Variants in RYR2 observed in about 807,000 individuals in gnomAD.
RYR2 encodes ryanodine receptor 2, also known as cardiac muscle ryanodine receptor-calcium release channel.
RYR2 carries 227 observed loss-of-function variants against 601.1 expected under a neutral mutation model. That is an observed-to-expected ratio of 0.38 (90% CI 0.34 to 0.42). RYR2 has a LOEUF of 0.42. Ranked by LOEUF, RYR2 falls within the 10% of genes least tolerant of loss-of-function variation. RYR2 has a pLI of 1.00. For synonymous variants in RYR2, 2,223 were observed against 2,175.1 expected (o/e 1.02, Z -0.61); for missense variants, 4,646 against 6,156.5 (o/e 0.75, Z 8.21).
intron 1 of RYR2, among the ~76,000 whole-genome samples, chr1:237,269,566 C>G (rs1689477291): frequency 1.3e-5 from 2 of 152,106 alleles, no homozygotes; most frequent in Non-Finnish European, 2.9e-5. Flanking sequence ...GTTGAGATGT[C>G]AAAACACGTA....
chr1:237,799,912 C>T (rs149364154), intron 97 of RYR2: 1 of 152,218 alleles, frequency 6.6e-6, no homozygotes, highest in East Asian at 1.9e-4. Context: ...AAAACATCTC[C>T]AAAACTCACC....
rs114585170 is a variant in RYR2 at position 237,675,580 on chromosome 1, T to C, written c.8830+734T>C. Among the ~76,000 whole-genome samples, 700 of 152,288 alleles carry C rather than the reference T, an allele frequency of 4.6e-3. 5 individuals carry two copies. Among genetic ancestry groups the C allele is most frequent in the African/African-American group, 0.016 (665 of 41,570 alleles). On this transcript the variant is annotated intron_variant, in intron 60 of 104. Transcript: ENST00000366574. ...GAAAATAGTGTGCTTTTCTGGTGGT[T>C]ATTCATTTATTTTCATTTTCGTTCT...
At chr1:237,449,414 C>A (rs1260219895) in intron 14 of RYR2, among the ~76,000 whole-genome samples, 1 of 152,078 alleles carries the variant, frequency 6.6e-6, no homozygotes, top group African/African-American at 2.4e-5. Context: ...TAGTATACTT[C>A]CCTCCCAGTT....
At chr1:237,361,073 T>G (rs1699746856) in intron 4 of RYR2, among the ~76,000 whole-genome samples, 1 of 152,106 alleles carries the variant, frequency 6.6e-6, no homozygotes, top group Non-Finnish European at 1.5e-5. Flanking sequence ...ACTCCTGGGC[T>G]CAAGCAGATA....
chr1:237,606,727 C>T (rs1677166813), intron 35 of RYR2, among the ~76,000 whole-genome samples: 1 of 151,990 alleles, frequency 6.6e-6, no homozygotes, highest in Admixed American at 6.6e-5. Context: ...AACAAATTTA[C>T]AAGAAAAAAA....
intron 34 of RYR2, among the ~76,000 whole-genome samples, chr1:237,596,242 A>G (rs192054685): frequency 6.6e-6 from 1 of 152,334 alleles, no homozygotes; most frequent in Non-Finnish European, 1.5e-5. Context: ...AGAAATTCAA[A>G]ATAATGATCT....
intron 92 of RYR2, 124 bp from the exon 93 acceptor site, chr1:237,791,305 G>C: frequency 1.6e-6 from 1 of 644,898 alleles, no homozygotes; most frequent in Non-Finnish European, 2.8e-6. Flanking sequence ...ACCAAGAATG[G>C]TGCTTGAAAC....
chr1:237,325,159 C>T (rs938064184), intron 2 of RYR2, among the ~76,000 whole-genome samples: 2 of 152,042 alleles, frequency 1.3e-5, no homozygotes, highest in African/African-American at 4.8e-5. Context: ...TGGCAGAACA[C>T]GTTGATTAAT....
chr1:237,561,310 A>G (rs1671432974), intron 27 of RYR2, among the ~76,000 whole-genome samples: 1 of 152,222 alleles, frequency 6.6e-6, no homozygotes, highest in Non-Finnish European at 1.5e-5. Flanking sequence ...GCCAGGATAT[A>G]ACAGCATGCT....
chr1:237,061,876 A>C (rs894814240), intron 1 of RYR2, among the ~76,000 whole-genome samples: 2 of 151,720 alleles, frequency 1.3e-5, no homozygotes, highest in Admixed American at 1.3e-4. Flanking sequence ...TTACTATTTT[A>C]AGGCTGATAT....
intron 48 of RYR2, among the ~76,000 whole-genome samples, chr1:237,646,408 A>G (rs1486046356): frequency 6.6e-6 from 1 of 151,938 alleles, no homozygotes; most frequent in East Asian, 2.0e-4. Flanking sequence ...GTAGGTTTTT[A>G]TGTCACCATA....
At chr1:237,153,208 A>ACAAAGC (rs1471432021) in intron 1 of RYR2, among the ~76,000 whole-genome samples, 3 of 152,204 alleles carry the variant, frequency 2.0e-5, no homozygotes, top group Non-Finnish European at 2.9e-5. Flanking sequence ...AATGAACAAG[A>ACAAAGC]GACAAAGCGG....
At chr1:237,416,046 A>G (rs1704945383) in intron 10 of RYR2, among the ~76,000 whole-genome samples, 2 of 152,186 alleles carry the variant, frequency 1.3e-5, no homozygotes. Flanking sequence ...AGGGAACGGC[A>G]GGTGAGAATG....
intron 12 of RYR2, among the ~76,000 whole-genome samples, chr1:237,426,957 G>T (rs1053096264): frequency 6.6e-6 from 1 of 152,144 alleles, no homozygotes; most frequent in East Asian, 1.9e-4. Flanking sequence ...AAGAGTGAAA[G>T]GTACGGTAGG....
At chr1:237,438,073 C>A (rs915926061) in intron 12 of RYR2, among the ~76,000 whole-genome samples, 1 of 151,948 alleles carries the variant, frequency 6.6e-6, no homozygotes, top group Non-Finnish European at 1.5e-5. Context: ...TTCATTAACT[C>A]TTTTTTATAC....
At chr1:237,379,354 C>G (rs77110582) in intron 8 of RYR2, among the ~76,000 whole-genome samples, 1 of 152,284 alleles carries the variant, frequency 6.6e-6, no homozygotes, top group African/African-American at 2.4e-5. Context: ...TATTCTACAA[C>G]TAACTACCTG....
At chr1:237,593,792 C>A (rs1389845196) in intron 33 of RYR2, among the ~76,000 whole-genome samples, 156 bp downstream of exon 33, 1 of 151,852 alleles carries the variant, frequency 6.6e-6, no homozygotes, top group African/African-American at 2.4e-5. Flanking sequence ...GTTATTCATA[C>A]AAACCAGTTA....
chr1:237,312,909 TC>T (rs1346038387), intron 2 of RYR2, among the ~76,000 whole-genome samples: 2 of 152,300 alleles, frequency 1.3e-5, no homozygotes, highest in African/African-American at 4.8e-5. Flanking sequence ...TTGTAATCTT[TC>T]TTTTTCGGCC....
chr1:237,499,780 T>G (rs2150470080), intron 20 of RYR2, among the ~76,000 whole-genome samples: 1 of 152,338 alleles, frequency 6.6e-6, no homozygotes, highest in African/African-American at 2.4e-5. Context: ...ACAAAGCATG[T>G]ATCACAAAGT....
Sources: allele counts gnomAD v4.1 joint callset (sites outside exome capture counted in the v4.1 genomes callset), GRCh38; gene constraint gnomAD v4.1.1; transcripts MANE v1.5; gene names NCBI Gene and HGNC (gene_info 2026-07-23, HGNC 2026-07-21).